Variants in PLCB1 observed in about 807,000 individuals in gnomAD.
PLCB1 encodes phospholipase C beta 1.
In PLCB1, 46 loss-of-function variants were observed where a neutral mutation model predicts 161.8. The ratio of observed to expected loss-of-function variants is 0.28; its 90% CI spans 0.22 to 0.36. The LOEUF (loss-of-function observed/expected upper bound fraction) is 0.36. PLCB1 is among the 10% of genes least tolerant of loss of function. The probability of loss-of-function intolerance (pLI) is 1.00; values close to 1 mark genes in which losing one functional copy is unlikely to be tolerated. For synonymous variants in PLCB1, 517 were observed against 503.7 expected (o/e 1.03, Z -0.35); for missense variants, 1,016 against 1,472.5 (o/e 0.69, Z 5.07).
At chr20:8,569,524 A>ATGT (rs1197323358) in intron 3 of PLCB1, among the ~76,000 whole-genome samples, 1 of 152,238 alleles carries the variant, frequency 6.6e-6, no homozygotes, top group Non-Finnish European at 1.5e-5. Flanking sequence ...ATGTTCACAT[A>ATGT]CACTGACCTA....
intron 2 of PLCB1, among the ~76,000 whole-genome samples, chr20:8,183,011 G>A (rs11907373): frequency 0.022 from 3,387 of 152,206 alleles, 110 homozygotes; most frequent in African/African-American, 0.076. Flanking sequence ...ATTTGAGCCC[G>A]TGAAGCTGCA....
At chr20:8,342,683 C>T (rs535964357) in intron 2 of PLCB1, among the ~76,000 whole-genome samples, 96 of 152,304 alleles carry the variant, frequency 6.3e-4, no homozygotes, top group African/African-American at 2.2e-3. Flanking sequence ...TGAGTCTAAC[C>T]TGTTCTCAGC....
intron 20 of PLCB1, among the ~76,000 whole-genome samples, chr20:8,738,820 C>T (rs756577459): frequency 1.3e-5 from 2 of 152,132 alleles, no homozygotes; most frequent in Non-Finnish European, 2.9e-5. Flanking sequence ...AACTTTTTGT[C>T]TAAAGTAGCT....
chr20:8,735,434 G>T (rs1468306325), intron 19 of PLCB1, among the ~76,000 whole-genome samples: 1 of 152,242 alleles, frequency 6.6e-6, no homozygotes, highest in Non-Finnish European at 1.5e-5. Flanking sequence ...TGAATGGACA[G>T]TTCTCACTGC....
chr20:8,570,868 T>A (rs1374633527), intron 3 of PLCB1, among the ~76,000 whole-genome samples: 1 of 152,154 alleles, frequency 6.6e-6, no homozygotes. Flanking sequence ...TAAGCTGAGA[T>A]CTGTATGAAA....
At chr20:8,633,148 A>T (rs1411144036) in intron 4 of PLCB1, among the ~76,000 whole-genome samples, 2 of 137,070 alleles carry the variant, frequency 1.5e-5, no homozygotes, top group Admixed American at 1.4e-4. Flanking sequence ...ACACACACAC[A>T]TATTATAAAG....
At chr20:8,725,227 A>G (rs1028549857) in intron 16 of PLCB1, among the ~76,000 whole-genome samples, 1 of 152,202 alleles carries the variant, frequency 6.6e-6, no homozygotes, top group Non-Finnish European at 1.5e-5. Flanking sequence ...CATCACATGT[A>G]TATATTTAGA....
intron 2 of PLCB1, among the ~76,000 whole-genome samples, chr20:8,298,735 CATTT>C (rs1057349547): frequency 1.3e-5 from 2 of 151,952 alleles, no homozygotes; most frequent in African/African-American, 2.4e-5. Flanking sequence ...ATGTAAAAAC[CATTT>C]ATTCTTTAAT....
Position 8,757,191 on chromosome 20 carries a change from G to C in PLCB1, c.2656+13G>C, listed in dbSNP as rs770988893. 6.2e-7 allele frequency: 1 copy of C among 1,604,362 alleles called. No homozygotes were observed. The highest frequency in any genetic ancestry group is 2.2e-5 in the East Asian group (1 of 44,822). ...CAGCCAGCTCCAGGTAAGCCATCTG[G>C]AAAGAGCTGGACAACATGAGCAAGA... is the stretch of plus-strand genomic sequence containing the variant. On this transcript the variant is annotated intron_variant, in intron 24 of 31. Transcript: ENST00000338037.
chr20:8,446,402 T>C (rs227135), intron 3 of PLCB1, among the ~76,000 whole-genome samples: 62,987 of 151,966 alleles, frequency 0.41, 13,541 homozygotes, highest in Non-Finnish European at 0.45. Flanking sequence ...ATTGATGGGA[T>C]GTATCTCAAA....
intron 22 of PLCB1, among the ~76,000 whole-genome samples, 174 bp from the exon 23 acceptor site, chr20:8,741,290 C>T (rs1486386196): frequency 6.6e-6 from 1 of 152,028 alleles, no homozygotes; most frequent in Non-Finnish European, 1.5e-5. Flanking sequence ...TATGGGTAGA[C>T]AGAAGAATGG....
intron 4 of PLCB1, among the ~76,000 whole-genome samples, chr20:8,632,035 CTTTTTTTTTTTTTTT>C (rs34028351): frequency 1.3e-4 from 6 of 45,984 alleles, no homozygotes; most frequent in African/African-American, 1.0e-4. Flanking sequence ...GTTTTTTTTG[CTTTTTTTTTTTTTTT>C]TTTTTTTTTT....
chr20:8,631,892 C>T (rs1015467618), intron 4 of PLCB1, among the ~76,000 whole-genome samples: 1 of 152,134 alleles, frequency 6.6e-6, no homozygotes, highest in South Asian at 2.1e-4. Flanking sequence ...GGAGACAAAT[C>T]ATGCCTTTGG....
chr20:8,263,773 A>G (rs1358005409), intron 2 of PLCB1, among the ~76,000 whole-genome samples: 2 of 152,208 alleles, frequency 1.3e-5, no homozygotes, highest in Non-Finnish European at 2.9e-5. Flanking sequence ...TATAAAAGAT[A>G]AAAGAACAAT....
chr20:8,617,435 C>G (rs1988065492), intron 3 of PLCB1, among the ~76,000 whole-genome samples: 1 of 151,908 alleles, frequency 6.6e-6, no homozygotes, highest in Non-Finnish European at 1.5e-5. Flanking sequence ...AAATTGTGTG[C>G]TACTTGATCT....
rs573455744 is a variant in PLCB1, at chr20:8,852,895, A to G, written c.3424-28727A>G. 1.5e-3 allele frequency among the ~76,000 whole-genome samples: 223 copies of G among 152,316 alleles called. 1 individual carries two copies. The highest frequency in any genetic ancestry group is 5.1e-3 in the African/African-American group (211 of 41,560). On this transcript the variant is annotated intron_variant, in intron 31 of 31. Transcript: ENST00000338037. ...TCCAGGTGTCATGAAGTGACCTCTG[A>G]TTTTGTTACTGCCCCTGAGTGGTGG...
chr20:8,498,374 C>T (rs1266445246), intron 3 of PLCB1, among the ~76,000 whole-genome samples: 1 of 152,202 alleles, frequency 6.6e-6, no homozygotes, highest in Non-Finnish European at 1.5e-5. Context: ...GGATTACAGG[C>T]GTGAGCCACC....
chr20:8,711,983 C>T (rs781091344), intron 12 of PLCB1, among the ~76,000 whole-genome samples: 2 of 152,136 alleles, frequency 1.3e-5, no homozygotes, highest in Non-Finnish European at 2.9e-5. Flanking sequence ...TTGGGCCACA[C>T]GTCCAAAACA....
intron 1 of PLCB1, among the ~76,000 whole-genome samples, chr20:8,145,437 G>A (rs763193423): frequency 3.3e-5 from 5 of 152,188 alleles, no homozygotes; most frequent in Non-Finnish European, 7.3e-5. Flanking sequence ...TTGGGGAGGA[G>A]GCCACGATAA....
Sources: allele counts gnomAD v4.1 joint callset (sites outside exome capture counted in the v4.1 genomes callset), GRCh38; gene constraint gnomAD v4.1.1; transcripts MANE v1.5; gene names NCBI Gene and HGNC (gene_info 2026-07-23, HGNC 2026-07-21).